BMP5: variants seen among roughly 807,000 people sequenced by gnomAD.
The protein encoded by BMP5 is bone morphogenetic protein 5.
BMP5 carries 23 observed loss-of-function variants against 46.6 expected under a neutral mutation model. The observed-to-expected ratio is 0.49, with a 90% CI of 0.35 to 0.70. The LOEUF (loss-of-function observed/expected upper bound fraction) is 0.70. BMP5 is among the 30% of genes least tolerant of loss of function. BMP5 has a pLI of 0.00. For synonymous variants in BMP5, 204 were observed against 191.9 expected, an observed-to-expected ratio of 1.06 and a Z score of -0.52; for missense variants, 545 against 565.6, an observed-to-expected ratio of 0.96 and a Z score of 0.37.
At chr6:55,817,228 G>T (rs1255202625) in intron 2 of BMP5, among the ~76,000 whole-genome samples, 2 of 152,146 alleles carry the variant, frequency 1.3e-5, no homozygotes, top group Non-Finnish European at 2.9e-5. Flanking sequence ...AATACCATTT[G>T]ACCCAGCCAT....
chr6:55,836,895 A>C (rs77829209), intron 1 of BMP5, among the ~76,000 whole-genome samples: 3,277 of 152,304 alleles, frequency 0.022, 140 homozygotes, highest in African/African-American at 0.074. Context: ...CAGGGATATA[A>C]AAATTTTAAA....
chr6:55,823,678 G>A (rs1473469127), intron 1 of BMP5, among the ~76,000 whole-genome samples: 2 of 151,686 alleles, frequency 1.3e-5, no homozygotes, highest in Middle Eastern at 3.2e-3. Context: ...ATTATTTCTT[G>A]GGAAAGTTGA....
intron 2 of BMP5, among the ~76,000 whole-genome samples, chr6:55,818,785 T>G (rs149099799): frequency 4.1e-4 from 63 of 152,264 alleles, no homozygotes; most frequent in Non-Finnish European, 7.2e-4. Flanking sequence ...GGAGACAGGA[T>G]AGCAATCTTT....
intron 3 of BMP5, among the ~76,000 whole-genome samples, chr6:55,783,422 T>TACCC (rs1207410010): frequency 6.6e-6 from 1 of 152,036 alleles, no homozygotes; most frequent in Admixed American, 6.6e-5. Context: ...ATAATCTTAT[T>TACCC]ACCCGCATGC....
chr6:55,863,978 G>A (rs113423783), intron 1 of BMP5, among the ~76,000 whole-genome samples: 2 of 151,892 alleles, frequency 1.3e-5, no homozygotes, highest in Non-Finnish European at 2.9e-5. Flanking sequence ...CTAAAGAAAC[G>A]TTTCTCAGAA....
At chr6:55,855,904 A>G (rs1439879632) in intron 1 of BMP5, among the ~76,000 whole-genome samples, 1 of 152,206 alleles carries the variant, frequency 6.6e-6, no homozygotes, top group Non-Finnish European at 1.5e-5. Flanking sequence ...AACACGGCAT[A>G]ATCTGCCTCT....
intron 6 of BMP5, among the ~76,000 whole-genome samples, chr6:55,756,473 G>T (rs2127513870): frequency 6.6e-6 from 1 of 152,022 alleles, no homozygotes; most frequent in Non-Finnish European, 1.5e-5. Context: ...GATCAGACTG[G>T]CAGTCTGCCT....
At chr6:55,809,630 TG>T (rs753971550) in intron 2 of BMP5, among the ~76,000 whole-genome samples, 2 of 151,976 alleles carry the variant, frequency 1.3e-5, no homozygotes, top group African/African-American at 2.4e-5. Context: ...CATATATATA[TG>T]GAGAGAGAAA....
At chr6:55,843,702 A>G (rs765547030) in intron 1 of BMP5, among the ~76,000 whole-genome samples, 4 of 152,080 alleles carry the variant, frequency 2.6e-5, no homozygotes, top group East Asian at 3.9e-4. Context: ...CTGGTATACT[A>G]TCATATCAAA....
chr6:55,871,879 C>G (rs1402893836), intron 1 of BMP5, among the ~76,000 whole-genome samples: 1 of 151,714 alleles, frequency 6.6e-6, no homozygotes, highest in African/African-American at 2.4e-5. Flanking sequence ...TTGCCTACTA[C>G]TAATGTGACT....
rs201781053 is a variant in BMP5 at position 55,773,086 on chromosome 6, TA to T, written c.1027+962del. On this transcript the variant is annotated intron_variant, in intron 4 of 6. Coordinates refer to ENST00000370830, the MANE Select transcript of BMP5 (RefSeq NM_021073.4). ...GTTTGAAGTTAGAATTTCAATTTGG[TA>T]AAATAATATATATAGGAATCATGTA... Among the ~76,000 whole-genome samples, 30 of 152,002 alleles carry T rather than the reference TA, an allele frequency of 2.0e-4. No individual in the cohort carries two copies. The East Asian group carries it at 5.8e-3, about 30-fold the overall frequency.
chr6:55,770,668 C>G (rs555057042), intron 4 of BMP5, among the ~76,000 whole-genome samples: 1 of 152,058 alleles, frequency 6.6e-6, no homozygotes, highest in South Asian at 2.1e-4. Context: ...TCTGGACTTT[C>G]AACATACCTT....
chr6:55,785,704 T>A (rs1384998032), intron 3 of BMP5, among the ~76,000 whole-genome samples: 1 of 151,682 alleles, frequency 6.6e-6, no homozygotes, highest in East Asian at 1.9e-4. Flanking sequence ...GTTGTTTCTC[T>A]TAGCCACATC....
At chr6:55,814,206 C>A (rs894290598) in intron 2 of BMP5, among the ~76,000 whole-genome samples, 2 of 151,860 alleles carry the variant, frequency 1.3e-5, no homozygotes, top group Admixed American at 1.3e-4. Context: ...AATAAAGACA[C>A]CTAGAACATT....
chr6:55,820,964 G>A (rs1776397747), intron 1 of BMP5, among the ~76,000 whole-genome samples: 1 of 152,030 alleles, frequency 6.6e-6, no homozygotes, highest in Admixed American at 6.6e-5. Context: ...TATATAATCT[G>A]GCTGTGTAAG....
intron 1 of BMP5, among the ~76,000 whole-genome samples, chr6:55,857,973 G>C (rs922193889): frequency 5.9e-5 from 9 of 151,994 alleles, no homozygotes; most frequent in African/African-American, 2.2e-4. Flanking sequence ...CCTGACCTCA[G>C]GTGATCCACC....
chr6:55,769,081 C>T (rs1350897242), intron 4 of BMP5, among the ~76,000 whole-genome samples: 2 of 151,886 alleles, frequency 1.3e-5, no homozygotes, highest in Non-Finnish European at 2.9e-5. Context: ...AATGTTGATA[C>T]CTGCTGACTG....
intron 3 of BMP5, among the ~76,000 whole-genome samples, chr6:55,779,157 T>C (rs535273672): frequency 2.0e-5 from 3 of 152,230 alleles, no homozygotes; most frequent in East Asian, 1.9e-4. Context: ...GTTCCAAATA[T>C]GATCATTGAG....
chr6:55,776,573 CTTTTA>C (rs1562032473), intron 3 of BMP5, among the ~76,000 whole-genome samples: 1 of 150,802 alleles, frequency 6.6e-6, no homozygotes, highest in East Asian at 2.0e-4. Context: ...TTTGACGAAG[CTTTTA>C]TTTTGATATT....
Sources: allele counts gnomAD v4.1 joint callset (sites outside exome capture counted in the v4.1 genomes callset), GRCh38; gene constraint gnomAD v4.1.1; transcripts MANE v1.5; gene names NCBI Gene and HGNC (gene_info 2026-07-23, HGNC 2026-07-21).